The following ADARB2 variants were observed in gnomAD, a reference collection of about 807,000 sequenced individuals.
ADARB2 encodes adenosine deaminase RNA specific B2 (inactive), also known as inactive double-stranded RNA-specific editase B2.
In ADARB2, 25 loss-of-function variants were observed where a neutral mutation model predicts 62.2. The observed-to-expected ratio is 0.40, with a 90% confidence interval of 0.29 to 0.56. The LOEUF (loss-of-function observed/expected upper bound fraction) is 0.56, where lower values mean the gene tolerates loss of function less well. Among genes scored for constraint, ADARB2 ranks in the 20% least tolerant of loss-of-function variants. ADARB2 has a pLI of 0.43. For missense variants in ADARB2, 1,071 were observed against 1,077.4 expected (o/e 0.99, Z 0.08); for synonymous variants, 572 against 500.8 (o/e 1.14, Z -1.90).
At chr10:1,633,665 G>A (rs907111981) in intron 1 of ADARB2, among the ~76,000 whole-genome samples, 2 of 149,556 alleles carry the variant, frequency 1.3e-5, no homozygotes, top group Admixed American at 6.7e-5. Flanking sequence ...CTGTTTCTCT[G>A]GAGAACCCTG....
intron 1 of ADARB2, among the ~76,000 whole-genome samples, chr10:1,641,214 G>A (rs968151792): frequency 6.6e-6 from 1 of 152,150 alleles, no homozygotes; most frequent in Non-Finnish European, 1.5e-5. Context: ...AAGTCTCTGG[G>A]CATTTAAATC....
At chr10:1,737,011 G>A in intron 1 of ADARB2, 40 bp downstream of exon 1, 1 of 1,601,098 alleles carries the variant, frequency 6.2e-7, no homozygotes, top group Non-Finnish European at 8.5e-7. Context: ...GAAGCCGGGG[G>A]TGAAGGGGGG....
intron 1 of ADARB2, among the ~76,000 whole-genome samples, chr10:1,421,506 G>A (rs1832852722): frequency 6.6e-6 from 1 of 152,062 alleles, no homozygotes; most frequent in Admixed American, 6.6e-5. Context: ...TCATTACAGA[G>A]TCTTATTCAC....
At chr10:1,415,808 T>G (rs936018223) in intron 1 of ADARB2, among the ~76,000 whole-genome samples, 1 of 152,212 alleles carries the variant, frequency 6.6e-6, no homozygotes. Flanking sequence ...TGTGAAAAAT[T>G]ATCACTTTCT....
chr10:1,276,406 T>C (rs1712350143), intron 3 of ADARB2, among the ~76,000 whole-genome samples: 1 of 152,226 alleles, frequency 6.6e-6, no homozygotes, highest in Admixed American at 6.5e-5. Flanking sequence ...TTCTGGATAT[T>C]AGTCCTTTGT....
chr10:1,288,056 G>A (rs567462917), intron 3 of ADARB2, among the ~76,000 whole-genome samples: 15 of 152,340 alleles, frequency 9.8e-5, no homozygotes, highest in South Asian at 4.1e-4. Flanking sequence ...GGGTCAGCTC[G>A]TGCACTGCTG....
At chr10:1,379,677 G>A (rs1380566044) in intron 1 of ADARB2, among the ~76,000 whole-genome samples, 1 of 152,228 alleles carries the variant, frequency 6.6e-6, no homozygotes, top group East Asian at 1.9e-4. Flanking sequence ...TAGAGGAGGG[G>A]AGGAGGGAGC....
intron 1 of ADARB2, among the ~76,000 whole-genome samples, chr10:1,448,349 C>T (rs536778071): frequency 8.5e-5 from 13 of 152,306 alleles, no homozygotes; most frequent in African/African-American, 2.9e-4. Flanking sequence ...CCAAAGTGAA[C>T]ATGGGTTTTA....
In ADARB2 at chr10:1,644,999, G is replaced by A. The variant is rs1231403615; in HGVS notation, c.100+92052C>T. ...TCAAGGTAGACTGTAGAATGCCAGC[G>A]TTTGGCTAAGGAGGGTGTTTATGTG... On this transcript the variant is annotated intron_variant, in intron 1 of 9. Coordinates refer to ENST00000381312, the MANE Select transcript of ADARB2 (RefSeq NM_018702.4). Among the ~76,000 whole-genome samples the A allele has an allele frequency of 3.9e-5, 6 of 152,204 alleles. No individual in the cohort carries two copies. The East Asian group carries it at 1.2e-3, about 29-fold the overall frequency.
intron 8 of ADARB2, chr10:1,186,667 C>T (rs879819998): frequency 2.2e-5 from 10 of 460,552 alleles, no homozygotes; most frequent in Non-Finnish European, 3.9e-5. Flanking sequence ...TCATGCATCA[C>T]GTGAGATGGC....
In ADARB2 at chr10:1,717,410, C is replaced by T. The variant is rs538328436; in HGVS notation, c.100+19641G>A. The stretch of plus-strand genomic sequence containing the variant: ...CCTCCCTCTGCACCCACTCCTCAGA[C>T]GGGTCCTCACTCTCAGACCCTGCGC... On this transcript the variant is annotated intron_variant, in intron 1 of 9. Coordinates refer to ENST00000381312, the MANE Select transcript of ADARB2 (RefSeq NM_018702.4). Among the ~76,000 whole-genome samples, 13 of 151,868 alleles carry T rather than the reference C, an allele frequency of 8.6e-5. No homozygotes were observed. In the South Asian group the frequency reaches 1.9e-3, roughly 22 times the overall value.
At chr10:1,226,351 C>T (rs879695817) in intron 6 of ADARB2, among the ~76,000 whole-genome samples, 5 of 152,120 alleles carry the variant, frequency 3.3e-5, no homozygotes, top group Admixed American at 6.5e-5. Flanking sequence ...GCCATTGGTT[C>T]GAATTTCCTC....
intron 1 of ADARB2, among the ~76,000 whole-genome samples, chr10:1,467,477 C>G (rs1283004489): frequency 2.0e-5 from 3 of 152,212 alleles, no homozygotes; most frequent in African/African-American, 7.2e-5. Flanking sequence ...GCATCTCCAA[C>G]CGCGTTATTT....
chr10:1,344,381 G>A (rs1832059390), intron 3 of ADARB2, among the ~76,000 whole-genome samples: 1 of 152,236 alleles, frequency 6.6e-6, no homozygotes, highest in Admixed American at 6.5e-5. Flanking sequence ...AAGCTGCATG[G>A]CAGGAGAAGG....
chr10:1,279,893 C>T (rs1831355298), intron 3 of ADARB2, among the ~76,000 whole-genome samples: 1 of 152,236 alleles, frequency 6.6e-6, no homozygotes, highest in Admixed American at 6.5e-5. Flanking sequence ...GAGTCCCACC[C>T]ATTCCTGATT....
rs1186321566 is a variant in ADARB2, at chr10:1,712,485, G to C, written c.100+24566C>G. Among the ~76,000 whole-genome samples the C allele has an allele frequency of 2.6e-5, 4 of 152,074 alleles. No individual in the cohort carries two copies. The East Asian group carries it at 7.7e-4, about 29-fold the overall frequency. On this transcript the variant is annotated intron_variant, in intron 1 of 9. Coordinates refer to ENST00000381312, the MANE Select transcript of ADARB2 (RefSeq NM_018702.4). ...GAGGAGAGGCTGTGTGGAAGCACAG[G>C]GGGCAGGCACACTGTGTGTTCTCAA...
Position 1,661,612 on chromosome 10 carries a change from A to C in ADARB2, c.100+75439T>G, listed in dbSNP as rs566008808. The stretch of plus-strand genomic sequence containing the variant: ...GGGCTTTAGCCAGGGAAGCAGAGCC[A>C]GGGTGGGGAGTACAGAACCAGCCCA... On this transcript the variant is annotated intron_variant, in intron 1 of 9. Coordinates refer to ENST00000381312, the MANE Select transcript of ADARB2 (RefSeq NM_018702.4). Among the ~76,000 whole-genome samples, 11 of 152,328 alleles carry C rather than the reference A, an allele frequency of 7.2e-5. No homozygotes were observed. In the East Asian group the frequency reaches 2.1e-3, roughly 29 times the overall value.
chr10:1,276,175 C>A (rs1490130801), intron 3 of ADARB2, among the ~76,000 whole-genome samples: 1 of 152,136 alleles, frequency 6.6e-6, no homozygotes, highest in Non-Finnish European at 1.5e-5. Flanking sequence ...CCTGTTGTTT[C>A]CTGACTTTTT....
intron 1 of ADARB2, among the ~76,000 whole-genome samples, chr10:1,562,949 A>G (rs1832805646): frequency 6.6e-6 from 1 of 152,254 alleles, no homozygotes; most frequent in Non-Finnish European, 1.5e-5. Context: ...ATGTTTCCTT[A>G]ATCTCTCAGC....
Sources: allele counts gnomAD v4.1 joint callset (sites outside exome capture counted in the v4.1 genomes callset), GRCh38; gene constraint gnomAD v4.1.1; transcripts MANE v1.5; gene names NCBI Gene and HGNC (gene_info 2026-07-23, HGNC 2026-07-21).